OTOG: variants seen among roughly 807,000 people sequenced by gnomAD.
The protein encoded by OTOG is otogelin.
In OTOG, 296 loss-of-function variants were observed where a neutral mutation model predicts 313.8. The observed-to-expected ratio is 0.94, with a 90% CI of 0.86 to 1.04. The LOEUF (loss-of-function observed/expected upper bound fraction) is 1.04. Ranked by LOEUF, OTOG falls within the 50% of genes least tolerant of loss-of-function variation. The pLI, the probability that OTOG is intolerant of heterozygous loss-of-function variation, is 0.00. For synonymous variants in OTOG, 1,533 were observed against 1,554.9 expected (o/e 0.99, Z 0.33); for missense variants, 3,948 against 3,840.1 (o/e 1.03, Z -0.74).
intron 39 of OTOG, 140 bp from the exon 40 acceptor site, chr11:17,628,993 C>T: frequency 2.4e-6 from 2 of 819,558 alleles, no homozygotes; most frequent in Non-Finnish European, 3.8e-6. Context: ...CAGAGCCTGG[C>T]ACATAGCAGA....
chr11:17,558,834 T>A (rs1852112897), intron 10 of OTOG, among the ~76,000 whole-genome samples, 190 bp downstream of exon 10: 1 of 152,234 alleles, frequency 6.6e-6, no homozygotes, highest in Admixed American at 6.5e-5. Flanking sequence ...CGGACCCCGT[T>A]AGGGTCACAT....
Position 17,547,996 on chromosome 11 carries a change from G to C in OTOG, c.155+9G>C. 1 of 742,830 alleles carries C rather than the reference G, an allele frequency of 1.3e-6. No individual in the cohort carries two copies. Among genetic ancestry groups the C allele is most frequent in the Non-Finnish European group, 2.0e-6 (1 of 487,882 alleles). 46.0% of individuals were successfully genotyped at this position (742,830 alleles called of 1,614,324 possible). On this transcript the variant is annotated intron_variant, in intron 2 of 55. Coordinates refer to ENST00000399397, the MANE Select transcript of OTOG (RefSeq NM_001292063.2). ...CCAGCCGGGCAACCCAGGTGAGTAG[G>C]TGTGAGCTGTGGCGGCCCCACCCAC... is the stretch of plus-strand genomic sequence containing the variant.
At chr11:17,609,029 A>T (rs1853459147) in intron 34 of OTOG, 101 bp from the exon 35 acceptor site, 24 of 899,668 alleles carry the variant, frequency 2.7e-5, no homozygotes, top group Middle Eastern at 2.2e-4. Context: ...GTGCACGCAC[A>T]TGTGTCATAA....
Position 17,555,854 on chromosome 11 carries a change from C to T in OTOG, c.616C>T (p.Gln206Ter). ...TGTCAGCCTCTTCTTTGTGGGTGAG[C>T]AGGAGATCCATCTGGCCAAGGAGGT... Reference protein sequence around the residue: ...RAVSLFFVGEQEIHLAKEVTH... With the variant: ...RAVSLFFVGE Residue 206 changes from glutamine to a stop codon, truncating the protein, a stop_gained, in exon 7 of 56, where the codon CAG becomes TAG. Coordinates refer to ENST00000399397, the MANE Select transcript of OTOG (RefSeq NM_001292063.2). LOFTEE classifies it high-confidence loss of function. The T allele has an allele frequency of 6.4e-7, 1 of 1,551,014 alleles. No homozygotes were observed.
At chr11:17,573,355 G>T in intron 19 of OTOG, 65 bp downstream of exon 19, 1 of 1,432,850 alleles carries the variant, frequency 7.0e-7, no homozygotes, top group Non-Finnish European at 9.2e-7. Flanking sequence ...AGTGTCCCCT[G>T]CCCCTGAAAG....
chr11:17,596,006 G>T (rs551862127), intron 28 of OTOG, 32 bp from the exon 29 acceptor site: 35 of 1,455,024 alleles, frequency 2.4e-5, no homozygotes, highest in Non-Finnish European at 3.0e-5. Flanking sequence ...TTGGCAAGTA[G>T]GGAGGTCAAC....
At chr11:17,602,443 G>T in intron 32 of OTOG, 66 bp downstream of exon 32, 2 of 1,491,728 alleles carry the variant, frequency 1.3e-6, no homozygotes, top group Non-Finnish European at 1.8e-6. Context: ...GGAGGGGAGG[G>T]TGCTGAGGCC....
chr11:17,552,098 T>C, intron 4 of OTOG, 23 bp downstream of exon 4: 1 of 1,549,004 alleles, frequency 6.5e-7, no homozygotes, highest in Non-Finnish European at 8.7e-7. Context: ...TTCACTGTGG[T>C]CCATGGGTTG....
intron 40 of OTOG, 145 bp from the exon 41 acceptor site, chr11:17,631,557 C>G (rs1187038291): frequency 1.5e-6 from 1 of 685,236 alleles, no homozygotes; most frequent in African/African-American, 1.8e-5. Flanking sequence ...TCCTAGCTTC[C>G]CTTCACCTAA....
At chr11:17,565,074 T>C (rs2134015988) in intron 15 of OTOG, among the ~76,000 whole-genome samples, 1 of 152,326 alleles carries the variant, frequency 6.6e-6, no homozygotes, top group South Asian at 2.1e-4. Context: ...AATGAACCGA[T>C]GTTAATAGAT....
rs56402246 is a variant in OTOG at position 17,548,418 on chromosome 11, CTTTTTTTTTTTTTTTTTTTTTTT to C, written c.216+222_216+244del. ...ATCTCTTGGGGGTCTATAGTCCACT[CTTTTTTTTTTTTTTTTTTTTTTT>C]TTTTTTTTTTTTTTTAGGAGAGGTG... On this transcript the variant is annotated intron_variant, in intron 3 of 55. Transcript: ENST00000399397. 9.1e-5 allele frequency among the ~76,000 whole-genome samples: 8 copies of C among 87,610 alleles called. 1 individual carries two copies. Among genetic ancestry groups the C allele is most frequent in the African/African-American group, 1.4e-4 (3 of 21,086 alleles). 57.5% of individuals were successfully genotyped at this position (87,610 alleles called of 152,430 possible).
intron 12 of OTOG, 133 bp from the exon 13 acceptor site, chr11:17,560,576 G>A (rs1232007288): frequency 3.0e-6 from 2 of 672,352 alleles, no homozygotes; most frequent in Non-Finnish European, 5.2e-6. Context: ...ATTTATAGAG[G>A]AGAAAGTTTG....
In OTOG at chr11:17,612,777, A is replaced by G; in HGVS notation, c.6438+12A>G. 6.5e-7 allele frequency: 1 copy of G among 1,549,488 alleles called. No individual in the cohort carries two copies. Among genetic ancestry groups the G allele is most frequent in the Non-Finnish European group, 8.7e-7 (1 of 1,146,396 alleles). On this transcript the variant is annotated intron_variant, in intron 38 of 55. Coordinates refer to ENST00000399397, the MANE Select transcript of OTOG (RefSeq NM_001292063.2). ...AAAGTGCCAACCTGGTGCCTGCCCC[A>G]TACCTCCCTCCCTGCTGGGGACTAG... is the stretch of plus-strand genomic sequence containing the variant.
intron 24 of OTOG, among the ~76,000 whole-genome samples, chr11:17,587,951 C>G (rs1852840422): frequency 1.3e-5 from 2 of 152,162 alleles, no homozygotes; most frequent in East Asian, 3.9e-4. Context: ...TGTAGCAGCA[C>G]CCTCACCCTC....
At chr11:17,629,000 C>T (rs1319423312) in intron 39 of OTOG, 133 bp from the exon 40 acceptor site, 1 of 880,898 alleles carries the variant, frequency 1.1e-6, no homozygotes, top group South Asian at 1.8e-5. Flanking sequence ...TGGCACATAG[C>T]AGATGCCTAA....
intron 15 of OTOG, among the ~76,000 whole-genome samples, chr11:17,562,217 A>G (rs1418367688): frequency 6.8e-6 from 1 of 146,792 alleles, no homozygotes; most frequent in East Asian, 2.0e-4. Flanking sequence ...CAGCCTGGGC[A>G]ACAGAGCGAG....
rs1260721968 is a variant in OTOG at position 17,553,401 on chromosome 11, G to C, written c.422G>C (p.Arg141Pro). The change falls in exon 6 of 56, where the codon CGG becomes CCG. Residue 141 changes from arginine to proline, a missense_variant. Physicochemically the swap from Arg to Pro is moderately radical, Grantham distance 103 (BLOSUM62 -2). Coordinates refer to ENST00000399397, the MANE Select transcript of OTOG (RefSeq NM_001292063.2). ...GGCCCTGAGAGGGACAGCATTTGCC[G>C]GGCGTGGGGGCAGCACCACGTGGAG... The part of the protein sequence containing the change: ...NAGPERDSIC[R>P]AWGQHHVETF... The C allele has an allele frequency of 1.4e-6, 2 of 1,465,648 alleles. No individual in the cohort carries two copies. The highest frequency in any genetic ancestry group is 9.0e-7 in the Non-Finnish European group (1 of 1,105,672). 90.8% of individuals were successfully genotyped at this position (1,465,648 alleles called of 1,614,324 possible).
rs574216726 is a variant in OTOG at position 17,587,189 on chromosome 11, G to A, written c.2867+608G>A. Among the ~76,000 whole-genome samples the A allele has an allele frequency of 9.2e-5, 14 of 152,310 alleles. No homozygotes were observed. In the East Asian group the frequency reaches 2.1e-3, roughly 23 times the overall value. Reference sequence around the variant, plus strand: ...GGTACATTCTTGTGTATGAAAGTACGTGTGAGGGTATTTGTTTAGTAATGT... The same window carrying A: ...GGTACATTCTTGTGTATGAAAGTACATGTGAGGGTATTTGTTTAGTAATGT... On this transcript the variant is annotated intron_variant, in intron 24 of 55. Coordinates refer to ENST00000399397, the MANE Select transcript of OTOG (RefSeq NM_001292063.2).
chr11:17,643,868 G>A (rs928286949), intron 54 of OTOG, among the ~76,000 whole-genome samples: 5 of 152,330 alleles, frequency 3.3e-5, no homozygotes, highest in South Asian at 2.1e-4. Context: ...GTAGTCAGAC[G>A]CCCTGGTCTT....
Sources: gnomAD v4.1 joint callset for allele counts (sites outside exome capture counted in the v4.1 genomes callset) on GRCh38, gnomAD v4.1.1 for gene constraint, MANE v1.5 for transcripts, NCBI Gene and HGNC (gene_info 2026-07-23, HGNC 2026-07-21) for gene names.